The following CELF2 variants were observed in gnomAD, a reference collection of about 807,000 sequenced individuals.
The protein encoded by CELF2 is CUG triplet repeat RNA-binding protein 2.
Under a neutral mutation model 62.6 loss-of-function variants are expected in CELF2, and 8 were observed. The observed-to-expected ratio is 0.13, with a 90% CI of 0.07 to 0.23. CELF2 has a LOEUF of 0.23. Among genes scored for constraint, CELF2 ranks in the 10% least tolerant of loss-of-function variants. CELF2 has a pLI of 1.00. For synonymous variants in CELF2, 258 were observed against 250.0 expected (o/e 1.03, Z -0.30); for missense variants, 333 against 671.0 (o/e 0.50, Z 5.56).
At chr10:10,561,118 G>C in the CELF2 span, among the ~76,000 whole-genome samples, 2 of 151,978 alleles carry the variant, frequency 1.3e-5, no homozygotes, top group African/African-American at 2.4e-5. Flanking sequence ...ATCCACTAAA[G>C]AACTTATGTA....
the CELF2 span, among the ~76,000 whole-genome samples, chr10:10,603,784 T>TACACACACAC: frequency 1.0e-4 from 15 of 148,544 alleles, 1 homozygote; most frequent in South Asian, 1.1e-3. Context: ...TATTTACACA[T>TACACACACAC]ACACACACAC....
the CELF2 span, among the ~76,000 whole-genome samples, chr10:10,789,576 C>T: frequency 6.6e-6 from 1 of 152,008 alleles, no homozygotes; most frequent in Non-Finnish European, 1.5e-5. Context: ...TTGAAACACT[C>T]ACCAGCCATA....
At chr10:11,122,584 A>G (rs1000124874) in intron 1 of CELF2, among the ~76,000 whole-genome samples, 3 of 152,226 alleles carry the variant, frequency 2.0e-5, no homozygotes, top group Non-Finnish European at 4.4e-5. Context: ...AGCGTATTCC[A>G]GAAGGCTTCC....
At chr10:10,477,352 G>T in the CELF2 span, among the ~76,000 whole-genome samples, 147 of 152,232 alleles carry the variant, frequency 9.7e-4, 2 homozygotes, top group East Asian at 0.026. Flanking sequence ...CAATACTGGC[G>T]CTGCCTTTGA....
chr10:10,878,243 G>C (rs2061235366), intron 1 of CELF2, among the ~76,000 whole-genome samples: 1 of 152,078 alleles, frequency 6.6e-6, no homozygotes, highest in Non-Finnish European at 1.5e-5. Flanking sequence ...ATTGATTCCA[G>C]TGTCAACTAG....
chr10:10,651,587 G>A, the CELF2 span, among the ~76,000 whole-genome samples: 6 of 141,994 alleles, frequency 4.2e-5, no homozygotes, highest in Admixed American at 4.2e-4. Flanking sequence ...AGCCTAACTG[G>A]GAGGCACCCC....
At chr10:10,756,226 A>G in the CELF2 span, among the ~76,000 whole-genome samples, 1 of 152,210 alleles carries the variant, frequency 6.6e-6, no homozygotes, top group South Asian at 2.1e-4. Context: ...GATGACTATT[A>G]CACTTTTCAG....
At chr10:10,688,264 T>C in the CELF2 span, among the ~76,000 whole-genome samples, 2 of 152,236 alleles carry the variant, frequency 1.3e-5, no homozygotes, top group Admixed American at 6.5e-5. Context: ...CGTTGCAGAA[T>C]CCTTTAAGGT....
At chr10:11,015,629 G>A (rs1175406243), upstream of CELF2, among the ~76,000 whole-genome samples, 1 of 152,198 alleles carries the variant, frequency 6.6e-6, no homozygotes, top group Non-Finnish European at 1.5e-5. The surrounding 1 kb of genome is among the most constrained non-coding windows in gnomAD (Gnocchi z 4.8). Context: ...AAAAGCAAAT[G>A]TGATTTGAAA....
At chr10:11,139,475 A>G (rs1008580368) in intron 1 of CELF2, among the ~76,000 whole-genome samples, 5 of 152,210 alleles carry the variant, frequency 3.3e-5, no homozygotes, top group African/African-American at 9.6e-5. Context: ...AAAACTTTGC[A>G]TTATTATTTA....
chr10:10,553,582 A>C, the CELF2 span, among the ~76,000 whole-genome samples: 7 of 152,178 alleles, frequency 4.6e-5, no homozygotes, highest in African/African-American at 1.7e-4. Context: ...AGACAGAGTC[A>C]CACACAGAGA....
chr10:11,147,172 A>G (rs897169541), intron 1 of CELF2, among the ~76,000 whole-genome samples: 4 of 152,144 alleles, frequency 2.6e-5, no homozygotes, highest in Non-Finnish European at 5.9e-5. Context: ...GAAGGTGACT[A>G]TAGGAATGAA....
At chr10:10,548,263 T>C in the CELF2 span, among the ~76,000 whole-genome samples, 1 of 152,232 alleles carries the variant, frequency 6.6e-6, no homozygotes, top group South Asian at 2.1e-4. Context: ...ATTGTCGAGC[T>C]CCCAATTTAT....
chr10:11,125,442 T>TTA (rs200651650), intron 1 of CELF2, among the ~76,000 whole-genome samples: 2 of 145,780 alleles, frequency 1.4e-5, no homozygotes, highest in Admixed American at 6.8e-5. Flanking sequence ...AGTAACTGGA[T>TTA]AAAAAAAAAA....
chr10:10,921,113 C>A (rs2064860300), intron 2 of CELF2, among the ~76,000 whole-genome samples: 2 of 151,952 alleles, frequency 1.3e-5, no homozygotes, highest in East Asian at 3.9e-4. Context: ...TGCCACCATG[C>A]CCGGCTAATT....
rs1313097216 is a variant in CELF2 at position 11,244,127 on chromosome 10, A to T, written c.355-5026A>T. Among the ~76,000 whole-genome samples, 2 of 152,278 alleles carry T rather than the reference A, an allele frequency of 1.3e-5. No individual in the cohort carries two copies. Among genetic ancestry groups the T allele is most frequent in the African/African-American group, 4.8e-5 (2 of 41,486 alleles). ...GGGCCAGGGTCCCTAGTCATGGGGAAGCAGTTGAGAAGCAACAGTTCTGAC... is the reference window on the plus strand; with the variant it reads ...GGGCCAGGGTCCCTAGTCATGGGGATGCAGTTGAGAAGCAACAGTTCTGAC... On this transcript the variant is annotated intron_variant, in intron 3 of 12. Coordinates refer to ENST00000633077, the MANE Select transcript of CELF2 (RefSeq NM_001326342.2). This position sits in a 1 kb window ranked among gnomAD's most constrained non-coding sequence, Gnocchi z 4.2.
At position 11,294,409 on chromosome 10, in the gene CELF2, A is replaced by G. The variant is rs139098569; in HGVS notation, c.976+5857A>G. Among the ~76,000 whole-genome samples the G allele has an allele frequency of 2.1e-4, 32 of 152,334 alleles. No homozygotes were observed. The East Asian group carries it at 5.2e-3, about 25-fold the overall frequency. On this transcript the variant is annotated intron_variant, in intron 9 of 12. Coordinates refer to ENST00000633077, the MANE Select transcript of CELF2 (RefSeq NM_001326342.2). ...ACACTTATAAAACACAGGGCATTTT[A>G]TAAGTGCAGGGGACCAGTTATTCCT... is the stretch of plus-strand genomic sequence containing the variant.
At chr10:10,823,805 T>G (rs2057164627) in intron 1 of CELF2, among the ~76,000 whole-genome samples, 1 of 152,204 alleles carries the variant, frequency 6.6e-6, no homozygotes, top group South Asian at 2.1e-4. Context: ...GTAAAGCAAG[T>G]ATTATTCTTA....
Position 11,010,970 on chromosome 10 carries a change from A to C in CELF2, c.53+5530A>C, listed in dbSNP as rs140909983. 3 of 152,322 alleles carry C rather than the reference A, an allele frequency of 2.0e-5. No homozygotes were observed. Among genetic ancestry groups the C allele is most frequent in the South Asian group, 2.1e-4 (1 of 4,824 alleles). The allele number at this position is 152,322 out of a possible 1,614,324, so 9.4% of individuals were successfully genotyped here. On this transcript the variant is annotated intron_variant, in intron 1 of 12. Transcript: ENST00000416382. This position sits in a 1 kb window ranked among gnomAD's most constrained non-coding sequence, Gnocchi z 4.1. ...AAATGGAGCACAGTGCTAATGCAGA[A>C]AGCATCTAGGAAGGAAGAAAGGAAA...
Sources: gnomAD v4.1 joint callset for allele counts (sites outside exome capture counted in the v4.1 genomes callset) on GRCh38, gnomAD v4.1.1 for gene constraint, Gnocchi (gnomAD v3.1) non-coding constraint, MANE v1.5 for transcripts, NCBI Gene and HGNC (gene_info 2026-07-23, HGNC 2026-07-21) for gene names.